Variants in ATRNL1 observed in about 807,000 individuals in gnomAD.
ATRNL1 encodes attractin like 1.
In ATRNL1, 95 loss-of-function variants were observed where a neutral mutation model predicts 182.7. The ratio of observed to expected loss-of-function variants is 0.52; its 90% CI spans 0.44 to 0.62. The LOEUF is 0.62. ATRNL1 is among the 20% of genes least tolerant of loss of function. ATRNL1 has a pLI of 0.00. For missense variants in ATRNL1, 1,471 were observed against 1,679.5 expected (o/e 0.88, Z 2.17); for synonymous variants, 576 against 568.3 (o/e 1.01, Z -0.19).
intron 19 of ATRNL1, among the ~76,000 whole-genome samples, chr10:115,387,920 C>T (rs568820103): frequency 6.6e-6 from 1 of 152,092 alleles, no homozygotes; most frequent in Non-Finnish European, 1.5e-5. Context: ...TATATAGTAT[C>T]GTCATCATCA....
chr10:115,462,464 T>G (rs1423351954), intron 22 of ATRNL1, among the ~76,000 whole-genome samples: 2 of 151,778 alleles, frequency 1.3e-5, no homozygotes, highest in African/African-American at 2.4e-5. Flanking sequence ...ATACAAAAAT[T>G]AGCTAGGCAT....
At chr10:115,134,363 A>G (rs1554876069) in intron 5 of ATRNL1, among the ~76,000 whole-genome samples, 1 of 152,128 alleles carries the variant, frequency 6.6e-6, no homozygotes, top group Admixed American at 6.6e-5. Context: ...ATATCACCAC[A>G]GATCCCACAG....
chr10:115,836,284 A>G (rs556341470), intron 27 of ATRNL1, among the ~76,000 whole-genome samples: 17 of 152,300 alleles, frequency 1.1e-4, no homozygotes, highest in Admixed American at 9.8e-4. Flanking sequence ...GAGACTGGCC[A>G]GTTACCGTAT....
At chr10:115,850,151 GA>G (rs1328906306) in intron 28 of ATRNL1, among the ~76,000 whole-genome samples, 2 of 152,178 alleles carry the variant, frequency 1.3e-5, no homozygotes, top group East Asian at 3.9e-4. Flanking sequence ...AGATGGGTAA[GA>G]GGGGTAGATG....
intron 28 of ATRNL1, among the ~76,000 whole-genome samples, chr10:115,923,106 T>C (rs1555119094): frequency 6.6e-6 from 1 of 152,194 alleles, no homozygotes; most frequent in African/African-American, 2.4e-5. Context: ...AAGCCTTAGC[T>C]GAAGGATTGC....
At chr10:115,705,251 A>T (rs955155838) in intron 26 of ATRNL1, among the ~76,000 whole-genome samples, 10 of 151,932 alleles carry the variant, frequency 6.6e-5, no homozygotes, top group Non-Finnish European at 1.0e-4. Context: ...TACTGTCTGT[A>T]TGCTTCTATT....
At chr10:115,762,297 A>G (rs61866690) in intron 27 of ATRNL1, among the ~76,000 whole-genome samples, 3 of 47,524 alleles carry the variant, frequency 6.3e-5, no homozygotes, top group Non-Finnish European at 1.3e-4. Context: ...TGCACTGATG[A>G]CTTCTTCAGA....
intron 26 of ATRNL1, among the ~76,000 whole-genome samples, chr10:115,571,747 T>C (rs1555003550): frequency 6.6e-6 from 1 of 152,112 alleles, no homozygotes; most frequent in African/African-American, 2.4e-5. Context: ...CTTTATGATA[T>C]TGAACCTTCT....
chr10:115,809,030 G>A (rs1416357271), intron 27 of ATRNL1, among the ~76,000 whole-genome samples: 2 of 151,954 alleles, frequency 1.3e-5, no homozygotes, highest in African/African-American at 4.8e-5. Context: ...TTTTCTTAAT[G>A]TTGTATGTGA....
At chr10:115,239,470 G>C (rs1554902310) in intron 9 of ATRNL1, among the ~76,000 whole-genome samples, 1 of 152,104 alleles carries the variant, frequency 6.6e-6, no homozygotes, top group African/African-American at 2.4e-5. Context: ...CTGACATCGT[G>C]ATTCGCCCAC....
intron 19 of ATRNL1, among the ~76,000 whole-genome samples, chr10:115,337,599 C>G (rs2134084133): frequency 6.6e-6 from 1 of 152,124 alleles, no homozygotes; most frequent in South Asian, 2.1e-4. Flanking sequence ...TTCATGAATT[C>G]AATTGTTTTG....
chr10:115,223,878 A>G (rs1849570613), intron 9 of ATRNL1, among the ~76,000 whole-genome samples: 1 of 124,438 alleles, frequency 8.0e-6, no homozygotes, highest in Non-Finnish European at 1.6e-5. Flanking sequence ...ACATATGTGT[A>G]TTTAATATAT....
intron 26 of ATRNL1, among the ~76,000 whole-genome samples, chr10:115,639,208 T>A (rs1859078148): frequency 2.0e-5 from 3 of 152,212 alleles, no homozygotes; most frequent in Admixed American, 2.0e-4. Flanking sequence ...TTTCTCTTTT[T>A]AAACTATGGA....
At chr10:115,405,333 T>C (rs1305612910) in intron 20 of ATRNL1, among the ~76,000 whole-genome samples, 1 of 152,214 alleles carries the variant, frequency 6.6e-6, no homozygotes, top group African/African-American at 2.4e-5. Context: ...ATGTGTGTTA[T>C]AGGATGAACT....
intron 26 of ATRNL1, among the ~76,000 whole-genome samples, chr10:115,725,239 A>G (rs1348139031): frequency 1.3e-5 from 2 of 152,196 alleles, no homozygotes; most frequent in African/African-American, 2.4e-5. Flanking sequence ...TTTTAAATAT[A>G]CTTTCGCATT....
rs1554910175 is a variant in ATRNL1 at position 115,265,207 on chromosome 10, A to C, written c.1702A>C (p.Lys568Gln). The C allele has an allele frequency of 1.2e-6, 2 of 1,604,956 alleles. No individual in the cohort carries two copies. Among genetic ancestry groups the C allele is most frequent in the Non-Finnish European group, 8.5e-7 (1 of 1,174,252 alleles). The change falls in exon 11 of 29, where the codon AAA (lysine) becomes CAA (glutamine). Residue 568 changes from lysine (K) to glutamine (Q), a missense_variant. Coordinates refer to ENST00000355044, the MANE Select transcript of ATRNL1 (RefSeq NM_207303.4). ...LAYDIACDEWKILPKPNLHRD... is the reference protein window; with the variant it reads ...LAYDIACDEWQILPKPNLHRD... ...CTTTTTTCTAGCTTGTGATGAATGG[A>C]AAATACTACCAAAACCAAATCTTCA...
intron 24 of ATRNL1, among the ~76,000 whole-genome samples, chr10:115,518,451 T>A (rs921317558): frequency 6.6e-6 from 1 of 152,002 alleles, no homozygotes. Context: ...CATTTATACA[T>A]GATACAAAAG....
At chr10:115,338,962 C>G (rs937826497) in intron 19 of ATRNL1, among the ~76,000 whole-genome samples, 3 of 152,260 alleles carry the variant, frequency 2.0e-5, no homozygotes, top group African/African-American at 7.2e-5. Flanking sequence ...TTCCCAGCAC[C>G]ATTTATTGAA....
At chr10:115,422,354 C>T (rs1554962079) in intron 20 of ATRNL1, among the ~76,000 whole-genome samples, 1 of 152,096 alleles carries the variant, frequency 6.6e-6, no homozygotes, top group East Asian at 1.9e-4. Context: ...AAAAAACGAA[C>T]AACCGCATTA....
Sources: gnomAD v4.1 joint callset for allele counts (sites outside exome capture counted in the v4.1 genomes callset) on GRCh38, gnomAD v4.1.1 for gene constraint, MANE v1.5 for transcripts, NCBI Gene and HGNC (gene_info 2026-07-23, HGNC 2026-07-21) for gene names.